Variants in TENM3 observed in about 807,000 individuals in gnomAD.
The protein encoded by TENM3 is teneurin transmembrane protein 3.
In TENM3, 63 loss-of-function variants were observed where a neutral mutation model predicts 255.1. That is an observed-to-expected ratio of 0.25 (90% CI 0.20 to 0.30). The LOEUF (loss-of-function observed/expected upper bound fraction) is 0.30. TENM3 is among the 10% of genes least tolerant of loss of function. The pLI is 1.00. For missense variants in TENM3, 2,929 were observed against 3,461.1 expected, an observed-to-expected ratio of 0.85 and a Z score of 3.86; for synonymous variants, 1,306 against 1,322.3, an observed-to-expected ratio of 0.99 and a Z score of 0.27.
intron 1 of TENM3, among the ~76,000 whole-genome samples, chr4:182,193,322 A>T (rs1282438474): frequency 6.6e-6 from 1 of 152,164 alleles, no homozygotes; most frequent in African/African-American, 2.4e-5. Context: ...TTTGCCCGTT[A>T]TATGTTCTAG....
chr4:182,499,492 T>C (rs1736116652), intron 3 of TENM3, among the ~76,000 whole-genome samples: 1 of 152,062 alleles, frequency 6.6e-6, no homozygotes, highest in Admixed American at 6.5e-5. Flanking sequence ...TACCCAACTC[T>C]ATTAGAGCCC....
intron 1 of TENM3, among the ~76,000 whole-genome samples, chr4:182,260,531 A>G (rs1403701694): frequency 1.3e-5 from 2 of 152,252 alleles, no homozygotes; most frequent in Non-Finnish European, 2.9e-5. Flanking sequence ...ATACTTAGAT[A>G]TAATAAGAAT....
intron 1 of TENM3, among the ~76,000 whole-genome samples, chr4:182,167,879 G>T (rs1413684614): frequency 6.6e-6 from 1 of 152,090 alleles, no homozygotes; most frequent in Non-Finnish European, 1.5e-5. Context: ...GTCAGACCTT[G>T]TCTTAAATAA....
chr4:182,634,579 T>C (rs1253009473), intron 5 of TENM3, among the ~76,000 whole-genome samples: 2 of 152,080 alleles, frequency 1.3e-5, no homozygotes. Flanking sequence ...CAACAAAAAT[T>C]CTACTGATTT....
chr4:181,946,378 A>C, the TENM3 span, among the ~76,000 whole-genome samples: 1 of 152,192 alleles, frequency 6.6e-6, no homozygotes, highest in African/African-American at 2.4e-5. Flanking sequence ...TGCTAGAAGG[A>C]TATCTCACAT....
intron 3 of TENM3, among the ~76,000 whole-genome samples, chr4:182,353,356 C>A (rs189672843): frequency 6.6e-6 from 1 of 152,062 alleles, no homozygotes; most frequent in Non-Finnish European, 1.5e-5. Flanking sequence ...GGCCCTCTTC[C>A]GGCATGTAAT....
intron 3 of TENM3, among the ~76,000 whole-genome samples, chr4:182,509,271 T>C (rs1737139877): frequency 6.6e-6 from 1 of 152,238 alleles, no homozygotes; most frequent in African/African-American, 2.4e-5. Flanking sequence ...TAACTCCATT[T>C]CAGTGGGGCC....
chr4:181,959,038 T>C, the TENM3 span, among the ~76,000 whole-genome samples: 2 of 152,158 alleles, frequency 1.3e-5, no homozygotes, highest in Non-Finnish European at 2.9e-5. Context: ...GAATGGTTTT[T>C]TGTTGTTGTT....
the TENM3 span, among the ~76,000 whole-genome samples, chr4:181,942,483 G>A: frequency 2.0e-5 from 3 of 151,982 alleles, no homozygotes; most frequent in African/African-American, 4.8e-5. Context: ...CCAGTGGGGT[G>A]GCTGTTTACC....
At chr4:182,703,983 T>A (rs1033562339) in intron 12 of TENM3, among the ~76,000 whole-genome samples, 2 of 152,202 alleles carry the variant, frequency 1.3e-5, no homozygotes, top group Non-Finnish European at 2.9e-5. Context: ...TTTTCCTAAA[T>A]CTTAAATAGC....
chr4:182,570,574 G>T (rs1287960527), intron 3 of TENM3, among the ~76,000 whole-genome samples: 1 of 152,208 alleles, frequency 6.6e-6, no homozygotes, highest in Admixed American at 6.5e-5. Flanking sequence ...GGCCGGCCGG[G>T]CGTGGTGGCT....
At chr4:181,886,599 C>T in the TENM3 span, among the ~76,000 whole-genome samples, 1 of 152,054 alleles carries the variant, frequency 6.6e-6, no homozygotes, top group Non-Finnish European at 1.5e-5. Context: ...ATATATGATA[C>T]AAATCAAGTG....
At chr4:181,478,612 G>A in the TENM3 span, among the ~76,000 whole-genome samples, 1 of 152,274 alleles carries the variant, frequency 6.6e-6, no homozygotes, top group Admixed American at 6.5e-5. Context: ...CTTGAAGACA[G>A]ATCTTCAAGG....
chr4:181,888,591 C>CGTGTGTGTGTGTGTGT, the TENM3 span, among the ~76,000 whole-genome samples: 1,484 of 90,066 alleles, frequency 0.016, 45 homozygotes, highest in African/African-American at 0.036. Flanking sequence ...TATATATATG[C>CGTGTGTGTGTGTGTGT]GTGTGTGTGT....
chr4:181,689,303 C>T, the TENM3 span, among the ~76,000 whole-genome samples: 1 of 152,190 alleles, frequency 6.6e-6, no homozygotes, highest in Non-Finnish European at 1.5e-5. Context: ...CAATTTCTGA[C>T]AGTGCTTGTT....
the TENM3 span, among the ~76,000 whole-genome samples, chr4:181,708,411 T>G: frequency 6.6e-6 from 1 of 152,152 alleles, no homozygotes; most frequent in African/African-American, 2.4e-5. Flanking sequence ...ATTTTAATGT[T>G]TTATATTAGA....
the TENM3 span, among the ~76,000 whole-genome samples, chr4:181,706,983 T>C: frequency 6.6e-6 from 1 of 152,192 alleles, no homozygotes; most frequent in African/African-American, 2.4e-5. Flanking sequence ...CATAAGGATG[T>C]TGAATGTGTC....
Position 182,754,198 on chromosome 4 carries a change from T to G in TENM3, c.4018-187T>G, listed in dbSNP as rs925754660. 6.6e-6 allele frequency among the ~76,000 whole-genome samples: 1 copy of G among 152,242 alleles called. No homozygotes were observed. Among genetic ancestry groups the G allele is most frequent in the Non-Finnish European group, 1.5e-5 (1 of 68,046 alleles). The stretch of plus-strand genomic sequence containing the variant: ...CTGTGAGCTGAATTTTAAAATAAAG[T>G]GTTATTTCCTGTATCTATCTTCATT... On this transcript the variant is annotated intron_variant, in intron 21 of 27. Transcript: ENST00000511685. The surrounding 1 kb of genome is among the most constrained non-coding windows in gnomAD (Gnocchi z 5.1).
Position 182,789,434 on chromosome 4 carries a change from C to T in TENM3, c.5601+45C>T, listed in dbSNP as rs1417276884. ...TCAACAATAGGGAAAGGATAATTCA[C>T]ATTTTTCAGCAATCATCCAGAGCAC... On this transcript the variant is annotated intron_variant, in intron 25 of 27. Coordinates refer to ENST00000511685, the MANE Select transcript of TENM3 (RefSeq NM_001080477.4). This position sits in a 1 kb window ranked among gnomAD's most constrained non-coding sequence, Gnocchi z 4.4. 1 of 1,540,290 alleles carries T rather than the reference C, an allele frequency of 6.5e-7. No individual in the cohort carries two copies. Among genetic ancestry groups the T allele is most frequent in the Non-Finnish European group, 8.8e-7 (1 of 1,132,918 alleles).
Sources: allele counts gnomAD v4.1 joint callset (sites outside exome capture counted in the v4.1 genomes callset), GRCh38; gene constraint gnomAD v4.1.1; non-coding constraint Gnocchi (gnomAD v3.1); transcripts MANE v1.5; gene names NCBI Gene and HGNC (gene_info 2026-07-23, HGNC 2026-07-21).